Variants in SLC44A5 observed in about 807,000 individuals in gnomAD.
The protein encoded by SLC44A5 is solute carrier family 44 member 5, also known as choline transporter-like protein 5.
In SLC44A5, 57 loss-of-function variants were observed where a neutral mutation model predicts 101.8. The ratio of observed to expected loss-of-function variants is 0.56; its 90% CI spans 0.45 to 0.70. The LOEUF is 0.70. Ranked by LOEUF, SLC44A5 falls within the 30% of genes least tolerant of loss-of-function variation. SLC44A5 has a pLI of 0.00. For missense variants in SLC44A5, 737 were observed against 853.1 expected, an observed-to-expected ratio of 0.86 and a Z score of 1.70; for synonymous variants, 281 against 290.9, an observed-to-expected ratio of 0.97 and a Z score of 0.35.
intron 2 of SLC44A5, among the ~76,000 whole-genome samples, chr1:75,445,323 G>A (rs1445945568): frequency 2.0e-5 from 3 of 151,988 alleles, no homozygotes; most frequent in Admixed American, 2.0e-4. Context: ...ATGAGTAAAG[G>A]CATCCTTAGG....
chr1:75,222,934 C>T (rs1459670510), intron 13 of SLC44A5, among the ~76,000 whole-genome samples: 2 of 152,160 alleles, frequency 1.3e-5, no homozygotes, highest in African/African-American at 4.8e-5. Flanking sequence ...TGACTCTTCG[C>T]ACTATGGGCA....
At chr1:75,598,681 A>G (rs528746918) in intron 1 of SLC44A5, among the ~76,000 whole-genome samples, 20 of 152,296 alleles carry the variant, frequency 1.3e-4, no homozygotes, top group African/African-American at 4.8e-4. Flanking sequence ...GGGACAGAAA[A>G]CCAAATACTG....
chr1:75,348,799 CTA>C (rs1658432826), intron 3 of SLC44A5, among the ~76,000 whole-genome samples: 1 of 152,024 alleles, frequency 6.6e-6, no homozygotes, highest in Non-Finnish European at 1.5e-5. Context: ...TATAAAACAA[CTA>C]TGTTTACTGT....
chr1:75,316,808 A>G (rs539946813), intron 4 of SLC44A5, among the ~76,000 whole-genome samples: 18 of 152,222 alleles, frequency 1.2e-4, no homozygotes, highest in Middle Eastern at 3.4e-3. Context: ...TACCAGATGG[A>G]TTTAATATGG....
intron 3 of SLC44A5, among the ~76,000 whole-genome samples, chr1:75,387,705 T>G (rs1222906331): frequency 5.8e-4 from 58 of 99,888 alleles, no homozygotes; most frequent in African/African-American, 1.8e-3. Context: ...GCCATCCCAT[T>G]ACTGGGTATA....
chr1:75,351,491 A>G (rs916661261), intron 3 of SLC44A5, among the ~76,000 whole-genome samples: 2 of 152,194 alleles, frequency 1.3e-5, no homozygotes, highest in Non-Finnish European at 2.9e-5. Flanking sequence ...GGATTTATTA[A>G]GCAGTGCACA....
At chr1:75,662,866 T>C in the SLC44A5 span, among the ~76,000 whole-genome samples, 1 of 152,108 alleles carries the variant, frequency 6.6e-6, no homozygotes, top group Non-Finnish European at 1.5e-5. Flanking sequence ...TCACATCCTT[T>C]CATATAGTCA....
rs1231861750 is a variant in SLC44A5 at position 75,203,629 on chromosome 1, G to A, written c.*98C>T. The A allele has an allele frequency of 1.4e-5, 20 of 1,392,822 alleles. No individual in the cohort carries two copies. The highest frequency in any genetic ancestry group is 1.8e-5 in the Non-Finnish European group (19 of 1,046,620). 86.3% of individuals were successfully genotyped at this position (1,392,822 alleles called of 1,614,324 possible). A position where few individuals can be genotyped will look rare whatever the true frequency, so the allele number is the denominator to read the frequency against. ...GCAAGCCAACAAGGTCGTGAATACA[G>A]TGTTGCTAAACACAAAGCACTTATG... On this transcript the variant is annotated 3_prime_UTR_variant, in exon 24 of 24. Coordinates refer to ENST00000370859, the MANE Select transcript of SLC44A5 (RefSeq NM_001130058.2).
the SLC44A5 span, among the ~76,000 whole-genome samples, chr1:75,624,257 A>C: frequency 6.6e-5 from 10 of 152,140 alleles, no homozygotes; most frequent in Admixed American, 1.3e-4. Context: ...ATATTAACTA[A>C]ATATTAACTA....
At chr1:75,658,732 A>G in the SLC44A5 span, among the ~76,000 whole-genome samples, 1 of 152,174 alleles carries the variant, frequency 6.6e-6, no homozygotes, top group Non-Finnish European at 1.5e-5. Context: ...GAAAAGCAAG[A>G]ACAAACAAAC....
intron 4 of SLC44A5, among the ~76,000 whole-genome samples, chr1:75,313,513 G>T (rs1376441716): frequency 1.3e-5 from 2 of 152,294 alleles, no homozygotes; most frequent in African/African-American, 4.8e-5. Flanking sequence ...AGGGGTTGTT[G>T]CTGTATTGTT....
chr1:75,565,130 C>G (rs1413279300), intron 1 of SLC44A5, among the ~76,000 whole-genome samples: 1 of 152,162 alleles, frequency 6.6e-6, no homozygotes, highest in Non-Finnish European at 1.5e-5. Context: ...CCAGGTTAAA[C>G]ATTAATGAGG....
At chr1:75,637,775 CAAATT>C in the SLC44A5 span, among the ~76,000 whole-genome samples, 1 of 151,712 alleles carries the variant, frequency 6.6e-6, no homozygotes, top group Non-Finnish European at 1.5e-5. Flanking sequence ...GTGGAGAAGA[CAAATT>C]AAAAAATATT....
chr1:75,206,269 G>A (rs987723832), intron 23 of SLC44A5: 19 of 191,078 alleles, frequency 9.9e-5, no homozygotes, highest in Non-Finnish European at 2.0e-4. Flanking sequence ...AAAATTGCCT[G>A]AATATCCTTT....
chr1:75,702,490 C>A, the SLC44A5 span, among the ~76,000 whole-genome samples: 1 of 152,052 alleles, frequency 6.6e-6, no homozygotes, highest in South Asian at 2.1e-4. Context: ...CTTCCTTACA[C>A]CTTATACAAA....
At position 75,246,986 on chromosome 1, in the gene SLC44A5, T is replaced by C. The variant is rs117714712; in HGVS notation, c.346-3975A>G. On this transcript the variant is annotated intron_variant, in intron 7 of 23. Transcript: ENST00000370859. The stretch of plus-strand genomic sequence containing the variant: ...TCATTGTTAGGACCTTGGCTTTTCA[T>C]ATAAGTAACTTGGGAAGCTATTGGG... 2.3e-4 allele frequency among the ~76,000 whole-genome samples: 35 copies of C among 152,150 alleles called. No homozygotes were observed. In the East Asian group the frequency reaches 6.6e-3, roughly 29 times the overall value.
chr1:75,471,498 T>C (rs1459708399), intron 2 of SLC44A5, among the ~76,000 whole-genome samples: 1 of 152,022 alleles, frequency 6.6e-6, no homozygotes, highest in Non-Finnish European at 1.5e-5. Context: ...AAGCACTGCC[T>C]CTACCTGATC....
intron 2 of SLC44A5, among the ~76,000 whole-genome samples, chr1:75,412,553 C>T (rs370135486): frequency 1.9e-4 from 29 of 152,212 alleles, no homozygotes; most frequent in African/African-American, 5.8e-4. Context: ...AGGCAGACCA[C>T]GAACAGGAGG....
chr1:75,464,535 C>T (rs879849455), intron 2 of SLC44A5, among the ~76,000 whole-genome samples: 3 of 151,858 alleles, frequency 2.0e-5, no homozygotes, highest in African/African-American at 4.8e-5. Flanking sequence ...AACAAAATGA[C>T]AGAAGTCCTT....
Sources: gnomAD v4.1 joint callset for allele counts (sites outside exome capture counted in the v4.1 genomes callset) on GRCh38, gnomAD v4.1.1 for gene constraint, MANE v1.5 for transcripts, NCBI Gene and HGNC (gene_info 2026-07-23, HGNC 2026-07-21) for gene names.